Variants in UPF3B observed in about 807,000 individuals in gnomAD.
UPF3B encodes the protein regulator of nonsense transcripts 3B.
In UPF3B, 7 loss-of-function variants were observed where a neutral mutation model predicts 40.3. The observed-to-expected ratio is 0.17, with a 90% CI of 0.10 to 0.33. The LOEUF (loss-of-function observed/expected upper bound fraction) is 0.33. Ranked by LOEUF, UPF3B falls within the 10% of genes least tolerant of loss-of-function variation. UPF3B has a pLI of 1.00. For synonymous variants in UPF3B, 117 were observed against 117.3 expected (o/e 1.00, Z 0.01); for missense variants, 229 against 358.9 (o/e 0.64, Z 2.93).
downstream of UPF3B, among the ~76,000 whole-genome samples, chrX:119,831,398 T>C (rs1282477174): frequency 1.8e-5 from 2 of 109,734 alleles, no homozygotes; most frequent in Non-Finnish European, 3.8e-5. Context: ...CTCTGCTCAC[T>C]GCAACCTCTG....
Position 119,837,718 on chromosome X carries a change from A to G in UPF3B, c.1302+39T>C, listed in dbSNP as rs756369182. 9.2e-6 allele frequency: 11 copies of G among 1,194,582 alleles called. No individual in the cohort carries two copies. The African/African-American group carries it at 1.4e-4, about 15-fold the overall frequency. ...TTTCTTTACACTTGCAGGAAAAGGGAAAAAAACCCTCATAAACAAGTTTAA... is the reference window on the plus strand; with the variant it reads ...TTTCTTTACACTTGCAGGAAAAGGGGAAAAAACCCTCATAAACAAGTTTAA... On this transcript the variant is annotated intron_variant, in intron 10 of 10. Coordinates refer to ENST00000276201, the MANE Select transcript of UPF3B (RefSeq NM_080632.3).
downstream of UPF3B, among the ~76,000 whole-genome samples, chrX:119,832,566 C>A (rs1447011349): frequency 8.9e-6 from 1 of 111,857 alleles, no homozygotes; most frequent in East Asian, 2.8e-4. Flanking sequence ...CCATGCCTGG[C>A]CTTTTGTGAG....
chrX:119,851,496 T>C lies in UPF3B; in HGVS notation c.369A>G (p.Lys123=). The change falls in exon 3 of 11, where the codon AAA becomes AAG. Residue 123 remains lysine (K), a splice_region_variant and synonymous_variant. Coordinates refer to ENST00000276201, the MANE Select transcript of UPF3B (RefSeq NM_080632.3). ...TTTACTTCAGTTACCAGGACTCACCTTTATTGTCAAGGAATACATAACCAT... is the reference window on the plus strand; with the variant it reads ...TTTACTTCAGTTACCAGGACTCACCCTTATTGTCAAGGAATACATAACCAT... ...RFDGYVFLDN[K]GQEYPAIVEF... is the part of the protein sequence containing the mutation. 8.4e-7 allele frequency: 1 copy of C among 1,192,519 alleles called. No individual in the cohort carries two copies. The highest frequency in any genetic ancestry group is 1.1e-6 in the Non-Finnish European group (1 of 878,036).
intron 4 of UPF3B, among the ~76,000 whole-genome samples, chrX:119,820,606 C>T (rs897061896): frequency 2.0e-4 from 20 of 99,635 alleles, no homozygotes; most frequent in Admixed American, 5.6e-4. Flanking sequence ...ACTACAGGTG[C>T]GCTCCACCAA....
At chrX:119,805,599 G>C (rs1315558945) in intron 6 of UPF3B, among the ~76,000 whole-genome samples, 1 of 111,589 alleles carries the variant, frequency 9.0e-6, no homozygotes, top group African/African-American at 3.3e-5. Context: ...CTGACGAAGG[G>C]CTAATATCCA....
At chrX:119,839,277 T>C (rs1290855956) in intron 8 of UPF3B, among the ~76,000 whole-genome samples, 2 of 112,261 alleles carry the variant, frequency 1.8e-5, no homozygotes, top group Admixed American at 9.5e-5. Context: ...GAGAGATCCA[T>C]TGCAGGAATA....
intron 6 of UPF3B, among the ~76,000 whole-genome samples, chrX:119,807,055 A>G (rs2055798826): frequency 1.9e-5 from 2 of 107,307 alleles, no homozygotes; most frequent in Non-Finnish European, 3.8e-5. Context: ...AAAAAAAGAA[A>G]AAAAAAAAAG....
At chrX:119,807,402 C>CTCT (rs1444084836) in intron 6 of UPF3B, 8 of 874,659 alleles carry the variant, frequency 9.1e-6, no homozygotes, top group South Asian at 2.8e-5. Flanking sequence ...GCTGCCTAGA[C>CTCT]AGTCAGTACA....
At chrX:119,846,825 CAG>C (rs1307021809) in intron 3 of UPF3B, among the ~76,000 whole-genome samples, 1 of 111,915 alleles carries the variant, frequency 8.9e-6, no homozygotes, top group African/African-American at 3.2e-5. Context: ...ACACAATCAA[CAG>C]AGTGAAAAGG....
chrX:119,807,329 AC>A, intron 6 of UPF3B: 1 of 799,009 alleles, frequency 1.3e-6, no homozygotes. Context: ...CAGCACAACC[AC>A]CCCCTTTCTC....
chrX:119,815,285 T>A, exon 5 of UPF3B: 1 of 785,486 alleles, frequency 1.3e-6, no homozygotes. Flanking sequence ...TCCTGGATGG[T>A]AACGCTGCAT....
intron 4 of UPF3B, among the ~76,000 whole-genome samples, chrX:119,815,611 C>T (rs1452621626): frequency 2.7e-5 from 3 of 111,695 alleles, no homozygotes; most frequent in African/African-American, 9.8e-5. Context: ...CTTGACATTC[C>T]AGACTCCAGC....
At chrX:119,819,304 G>A (rs187522164) in intron 4 of UPF3B, among the ~76,000 whole-genome samples, 108 of 110,297 alleles carry the variant, frequency 9.8e-4, no homozygotes, top group African/African-American at 3.4e-3. Context: ...CTCCCATCTC[G>A]GCCTCCCAGA....
At chrX:119,828,568 A>G (rs998788450) in intron 3 of UPF3B, among the ~76,000 whole-genome samples, 1 of 109,706 alleles carries the variant, frequency 9.1e-6, no homozygotes, top group Non-Finnish European at 1.9e-5. Flanking sequence ...GCTACTCAAG[A>G]AGCTGTGGTG....
intron 3 of UPF3B, among the ~76,000 whole-genome samples, chrX:119,827,367 G>T: frequency 9.0e-6 from 1 of 111,180 alleles, no homozygotes. Flanking sequence ...TAGTATCACT[G>T]CTTACAAAGT....
rs762578331 is a variant in UPF3B, at chrX:119,837,939, G to T, written c.1120C>A (p.Arg374Ser). ...TTCTCATAGCGCTCCTTCTGCCTACGGCGCTCTTCTTCTTGCCGCTTCAGC... is the reference window on the plus strand; with the variant it reads ...TTCTCATAGCGCTCCTTCTGCCTACTGCGCTCTTCTTCTTGCCGCTTCAGC... Reference protein sequence around the residue: ...ERLKRQEEERRRQKERYEKEK... With the variant: ...ERLKRQEEERSRQKERYEKEK... The change falls in exon 10 of 11, where the codon CGT becomes AGT. Residue 374 changes from arginine (R) to serine (S), a missense_variant. Arg to Ser is a moderately radical substitution (Grantham distance 110). This residue lies in a region of UPF3B where 119 missense variants were observed against 153.8 expected (regional missense o/e 0.77). Transcript: ENST00000276201. The T allele has an allele frequency of 3.3e-6, 4 of 1,209,982 alleles. No individual in the cohort carries two copies. In the South Asian group the frequency reaches 5.3e-5, roughly 16 times the overall value.
downstream of UPF3B, among the ~76,000 whole-genome samples, chrX:119,830,891 C>T (rs5909659): frequency 0.05 from 5,550 of 111,695 alleles, 125 homozygotes; most frequent in East Asian, 0.15. Context: ...AGAACAAGAT[C>T]GGAACAAGAC....
chrX:119,838,545 T>C lies in UPF3B; in HGVS notation c.847-18A>G. On this transcript the variant is annotated intron_variant, in intron 8 of 10. Transcript: ENST00000276201. ...TTGAGCAGCTTTAAAGATAAAATGT[T>C]TATTTTTATTTTGAAGGCTGGGACA... 8.3e-7 allele frequency: 1 copy of C among 1,201,391 alleles called. No homozygotes were observed. The highest frequency in any genetic ancestry group is 1.1e-6 in the Non-Finnish European group (1 of 888,172).
chrX:119,835,698 A>G (rs2056083809), intron 10 of UPF3B, among the ~76,000 whole-genome samples: 1 of 112,606 alleles, frequency 8.9e-6, no homozygotes, highest in South Asian at 3.6e-4. Flanking sequence ...TTAGATTAAA[A>G]GAAAACTTGG....
Sources: allele counts gnomAD v4.1 joint callset (sites outside exome capture counted in the v4.1 genomes callset), GRCh38; gene constraint gnomAD v4.1.1; regional missense constraint gnomAD v4.1.1; transcripts MANE v1.5; gene names NCBI Gene and HGNC (gene_info 2026-07-23, HGNC 2026-07-21).